The following CSMD1 variants were observed in gnomAD, a reference collection of about 807,000 sequenced individuals.
CSMD1 encodes CUB and sushi domain-containing protein 1.
CSMD1 carries 213 observed loss-of-function variants against 417.5 expected under a neutral mutation model. The observed-to-expected ratio is 0.51, with a 90% CI of 0.46 to 0.57. The LOEUF (loss-of-function observed/expected upper bound fraction) is 0.57. Among genes scored for constraint, CSMD1 ranks in the 20% least tolerant of loss-of-function variants. The pLI is 0.00. For synonymous variants in CSMD1, 2,862 were observed against 1,736.8 expected (o/e 1.65, Z -16.11); for missense variants, 6,923 against 4,529.7 (o/e 1.53, Z -15.17).
At chr8:4,111,237 G>A (rs532421120) in intron 3 of CSMD1, among the ~76,000 whole-genome samples, 1 of 152,168 alleles carries the variant, frequency 6.6e-6, no homozygotes, top group Admixed American at 6.5e-5. Flanking sequence ...CCACGTCTTT[G>A]CTTTCTATTA....
At chr8:3,738,344 A>G (rs1295659660) in intron 6 of CSMD1, among the ~76,000 whole-genome samples, 2 of 152,224 alleles carry the variant, frequency 1.3e-5, no homozygotes, top group African/African-American at 2.4e-5. Flanking sequence ...TACAATGCAT[A>G]CAGGCATTGG....
chr8:4,348,583 A>G (rs1024060749), intron 3 of CSMD1, among the ~76,000 whole-genome samples: 55 of 121,636 alleles, frequency 4.5e-4, no homozygotes, highest in East Asian at 2.3e-3. Flanking sequence ...GTGTGTGTGT[A>G]TGCATGTGTG....
intron 10 of CSMD1, among the ~76,000 whole-genome samples, chr8:3,573,547 C>G (rs1341116074): frequency 2.6e-5 from 4 of 151,602 alleles, no homozygotes; most frequent in Non-Finnish European, 5.9e-5. Context: ...CTCATTAAAG[C>G]TTGAATTTTT....
chr8:4,742,909 A>T (rs572713315), intron 1 of CSMD1, among the ~76,000 whole-genome samples: 1 of 152,208 alleles, frequency 6.6e-6, no homozygotes, highest in Non-Finnish European at 1.5e-5. Flanking sequence ...GTTAAAAAAA[A>T]TCTGAAAATA....
chr8:4,028,408 G>A (rs948956793), intron 4 of CSMD1, among the ~76,000 whole-genome samples: 1 of 152,032 alleles, frequency 6.6e-6, no homozygotes, highest in African/African-American at 2.4e-5. Flanking sequence ...ACTAGCTTGT[G>A]GGGTGGTGGT....
intron 3 of CSMD1, among the ~76,000 whole-genome samples, chr8:4,144,146 C>T (rs1435863061): frequency 1.3e-5 from 2 of 150,990 alleles, no homozygotes; most frequent in African/African-American, 2.5e-5. Flanking sequence ...CAGATGTTTC[C>T]CTTCTGATAC....
At chr8:3,145,068 C>T (rs1309646667) in intron 40 of CSMD1, among the ~76,000 whole-genome samples, 1 of 122,852 alleles carries the variant, frequency 8.1e-6, no homozygotes, top group Non-Finnish European at 1.7e-5. Flanking sequence ...TGCATGCATG[C>T]ATTTGTGTGT....
At chr8:3,792,442 G>A (rs1051373117) in intron 5 of CSMD1, among the ~76,000 whole-genome samples, 5 of 152,166 alleles carry the variant, frequency 3.3e-5, no homozygotes, top group Admixed American at 6.5e-5. Flanking sequence ...AGGCAAAACT[G>A]AACAAGATGA....
chr8:4,736,987 T>C (rs761204689), intron 1 of CSMD1, among the ~76,000 whole-genome samples: 1 of 152,210 alleles, frequency 6.6e-6, no homozygotes, highest in Non-Finnish European at 1.5e-5. Flanking sequence ...TGCTTCTTTA[T>C]AGCTTGATTT....
At chr8:4,639,635 G>C (rs1039488489) in intron 1 of CSMD1, among the ~76,000 whole-genome samples, 16 of 152,272 alleles carry the variant, frequency 1.1e-4, no homozygotes, top group African/African-American at 3.8e-4. Context: ...TCAGATTGTG[G>C]CATGTAGTGT....
At chr8:3,818,874 ACTTC>A (rs1031512957) in intron 5 of CSMD1, among the ~76,000 whole-genome samples, 2 of 152,130 alleles carry the variant, frequency 1.3e-5, no homozygotes. Flanking sequence ...CCTTGCTCAC[ACTTC>A]CTTCCTGCAA....
chr8:3,147,218 T>C (rs1321296349), intron 40 of CSMD1, among the ~76,000 whole-genome samples: 1 of 152,170 alleles, frequency 6.6e-6, no homozygotes, highest in Non-Finnish European at 1.5e-5. Context: ...GATTTTTTCT[T>C]TTTTCTTTTG....
rs192795715 is a variant in CSMD1 at position 3,522,588 on chromosome 8, A to G, written c.1345-28862T>C. ...AGAGAAAGAAATGGGAACACTACTC[A>G]TGTTTCAGGCAGCCCACACTCCAAG... On this transcript the variant is annotated intron_variant, in intron 10 of 69. Transcript: ENST00000635120. 4.0e-3 allele frequency among the ~76,000 whole-genome samples: 611 copies of G among 152,148 alleles called. 2 individuals carry two copies. The highest frequency in any genetic ancestry group is 0.026 in the South Asian group (127 of 4,832).
At chr8:3,664,684 G>T (rs1031378471) in intron 7 of CSMD1, among the ~76,000 whole-genome samples, 2 of 152,210 alleles carry the variant, frequency 1.3e-5, no homozygotes, top group African/African-American at 2.4e-5. Context: ...TCAAGAAGCT[G>T]AAAAGAGCTG....
intron 2 of CSMD1, among the ~76,000 whole-genome samples, chr8:4,462,158 A>G (rs1369216196): frequency 6.6e-6 from 1 of 152,134 alleles, no homozygotes; most frequent in East Asian, 1.9e-4. Context: ...TACAGGTGTG[A>G]GCCACCACAC....
At chr8:3,183,339 GAGT>G (rs771150617) in intron 36 of CSMD1, among the ~76,000 whole-genome samples, 12 of 146,292 alleles carry the variant, frequency 8.2e-5, no homozygotes, top group African/African-American at 3.0e-4. Flanking sequence ...CTGAAATATC[GAGT>G]AGGTCTCTAA....
intron 3 of CSMD1, among the ~76,000 whole-genome samples, chr8:4,306,736 C>T (rs950989206): frequency 6.6e-6 from 1 of 152,060 alleles, no homozygotes; most frequent in Non-Finnish European, 1.5e-5. Context: ...TAAATGAGTG[C>T]CCGACCGCAG....
At chr8:4,791,136 T>G (rs1195022427) in intron 1 of CSMD1, among the ~76,000 whole-genome samples, 2 of 148,360 alleles carry the variant, frequency 1.3e-5, no homozygotes, top group African/African-American at 2.5e-5. Context: ...GAGAAACTTT[T>G]AAGTGAGACA....
intron 3 of CSMD1, among the ~76,000 whole-genome samples, chr8:4,328,523 C>T (rs547627736): frequency 6.8e-4 from 103 of 152,072 alleles, no homozygotes; most frequent in Admixed American, 3.1e-3. Flanking sequence ...GGTAATAAAG[C>T]ATCTCCTGTA....
Sources: allele counts gnomAD v4.1 joint callset (sites outside exome capture counted in the v4.1 genomes callset), GRCh38; gene constraint gnomAD v4.1.1; transcripts MANE v1.5; gene names NCBI Gene and HGNC (gene_info 2026-07-23, HGNC 2026-07-21).